KIF13B: variants seen among roughly 807,000 people sequenced by gnomAD.
KIF13B encodes kinesin-like protein KIF13B.
KIF13B carries 127 observed loss-of-function variants against 222.0 expected under a neutral mutation model. The ratio of observed to expected loss-of-function variants is 0.57; its 90% CI spans 0.50 to 0.66. KIF13B has a LOEUF of 0.66. Ranked by LOEUF, KIF13B falls within the 30% of genes least tolerant of loss-of-function variation. The pLI, the probability that KIF13B is intolerant of heterozygous loss-of-function variation, is 0.00. For synonymous variants in KIF13B, 976 were observed against 919.0 expected (o/e 1.06, Z -1.12); for missense variants, 2,173 against 2,379.0 (o/e 0.91, Z 1.80).
intron 1 of KIF13B, among the ~76,000 whole-genome samples, chr8:29,246,155 G>A (rs111348502): frequency 6.6e-6 from 1 of 152,124 alleles, no homozygotes; most frequent in Admixed American, 6.5e-5. Flanking sequence ...CGAGGCGGGT[G>A]GATTACTTGA....
chr8:29,206,610 C>T (rs1462141492), intron 2 of KIF13B, among the ~76,000 whole-genome samples: 1 of 152,188 alleles, frequency 6.6e-6, no homozygotes, highest in African/African-American at 2.4e-5. Context: ...TGTCTCACAA[C>T]CCCAACCTCC....
chr8:29,197,262 G>A (rs963260144), intron 2 of KIF13B, among the ~76,000 whole-genome samples: 24 of 146,304 alleles, frequency 1.6e-4, no homozygotes, highest in South Asian at 1.1e-3. Context: ...GCGTGAACCC[G>A]GGAGGCGGAG....
In KIF13B at chr8:29,148,690, C is replaced by A. The variant is rs200170374; in HGVS notation, c.1700G>T (p.Ser567Ile). The A allele has an allele frequency of 1.5e-4, 236 of 1,612,672 alleles. No homozygotes were observed. Among genetic ancestry groups the A allele is most frequent in the Middle Eastern group, 5.0e-4 (3 of 6,058 alleles). ...DQDPSMKNEN[S>I]SEQLDVDGDS... Reference sequence around the variant, plus strand: ...TCCGTCTACATCCAGCTGCTCAGAACTATTCTCGTTCTTCATGGAGGGATC... The same window carrying A: ...TCCGTCTACATCCAGCTGCTCAGAAATATTCTCGTTCTTCATGGAGGGATC... Residue 567 changes from serine (S) to isoleucine (I), a missense_variant, in exon 16 of 40, where the codon AGT becomes ATT. Physicochemically the swap from Ser to Ile is moderately radical, Grantham distance 142. Coordinates refer to ENST00000524189, the MANE Select transcript of KIF13B (RefSeq NM_015254.4).
At chr8:29,131,078 C>CA (rs968471492) in intron 23 of KIF13B, among the ~76,000 whole-genome samples, 17 of 152,072 alleles carry the variant, frequency 1.1e-4, no homozygotes, top group Admixed American at 6.6e-4. Flanking sequence ...AATAGAAAAG[C>CA]AAAAACCCCA....
intron 2 of KIF13B, among the ~76,000 whole-genome samples, chr8:29,217,015 T>C (rs1156991106): frequency 6.6e-6 from 1 of 152,132 alleles, no homozygotes; most frequent in Non-Finnish European, 1.5e-5. Flanking sequence ...GAAAGAATAC[T>C]TATTCCTCGT....
At chr8:29,227,786 C>CA (rs1024973625) in intron 2 of KIF13B, among the ~76,000 whole-genome samples, 1 of 151,926 alleles carries the variant, frequency 6.6e-6, no homozygotes, top group African/African-American at 2.4e-5. Flanking sequence ...CAAAAATCTA[C>CA]AAAAAACTTG....
Position 29,140,153 on chromosome 8 carries a change from A to C in KIF13B, c.2523T>G (p.Ser841Arg), listed in dbSNP as rs1255385311. 3 of 1,613,464 alleles carry C rather than the reference A, an allele frequency of 1.9e-6. No homozygotes were observed. The highest frequency in any genetic ancestry group is 3.3e-5 in the Admixed American group (2 of 59,928). The change falls in exon 21 of 40, where the codon AGT becomes AGG. Residue 841 changes from serine to arginine, a missense_variant. Transcript: ENST00000524189. ...CTGCGATCCTCTCCCCAACATCACCACTGAGTCGCATCACCTCCACGTGCA... is the reference window on the plus strand; with the variant it reads ...CTGCGATCCTCTCCCCAACATCACCCCTGAGTCGCATCACCTCCACGTGCA... The part of the protein sequence containing the change: ...GRLHVEVMRL[S>R]GDVGERIAGG...
chr8:29,082,970 A>G (rs1207035275), intron 37 of KIF13B, among the ~76,000 whole-genome samples: 1 of 152,188 alleles, frequency 6.6e-6, no homozygotes, highest in East Asian at 1.9e-4. Context: ...ACAAGATCAA[A>G]ATTTAAAAAT....
chr8:29,169,165 CTG>C (rs1188785047), intron 10 of KIF13B, among the ~76,000 whole-genome samples: 3 of 152,220 alleles, frequency 2.0e-5, no homozygotes, highest in African/African-American at 7.2e-5. Context: ...TTGGTACAAT[CTG>C]TGATTTCCCC....
At chr8:29,166,480 C>T (rs1812004071) in intron 11 of KIF13B, among the ~76,000 whole-genome samples, 1 of 152,140 alleles carries the variant, frequency 6.6e-6, no homozygotes, top group Admixed American at 6.5e-5. Context: ...GGGCGTATCA[C>T]CTGAGGTCAG....
intron 12 of KIF13B, among the ~76,000 whole-genome samples, chr8:29,163,943 T>TA (rs951742437): frequency 1.3e-5 from 2 of 152,198 alleles, no homozygotes; most frequent in Admixed American, 6.5e-5. Flanking sequence ...TTATAATTTA[T>TA]AAAAAACACA....
In KIF13B at chr8:29,176,787, C is replaced by A. The variant is rs181634931; in HGVS notation, c.834-608G>T. 2.0e-3 allele frequency among the ~76,000 whole-genome samples: 306 copies of A among 151,770 alleles called. 1 individual carries two copies. Among genetic ancestry groups the A allele is most frequent in the African/African-American group, 6.2e-3 (256 of 41,358 alleles). ...CAGCAATAGGGCCACTGCTGAGAAA[C>A]CCTGACCTGACTGAGGCTGTGCTCT... On this transcript the variant is annotated intron_variant, in intron 9 of 39. Transcript: ENST00000524189.
At chr8:29,167,307 G>T in intron 11 of KIF13B, 66 bp downstream of exon 11, 2 of 1,363,786 alleles carry the variant, frequency 1.5e-6, no homozygotes, top group Non-Finnish European at 2.1e-6. Context: ...CCAGGGGAAG[G>T]AAATTCAAGC....
At chr8:29,257,568 A>G (rs1816531019) in intron 1 of KIF13B, among the ~76,000 whole-genome samples, 1 of 152,202 alleles carries the variant, frequency 6.6e-6, no homozygotes, top group Admixed American at 6.5e-5. Context: ...ACAACATTGT[A>G]TTTTATATTA....
chr8:29,083,406 G>A (rs749666964), intron 37 of KIF13B, among the ~76,000 whole-genome samples: 8 of 152,086 alleles, frequency 5.3e-5, no homozygotes, highest in Non-Finnish European at 1.0e-4. Flanking sequence ...GGCAACACTC[G>A]GTCTAGAGAA....
chr8:29,096,791 A>C (rs1162002170), intron 36 of KIF13B, among the ~76,000 whole-genome samples: 1 of 152,130 alleles, frequency 6.6e-6, no homozygotes, highest in African/African-American at 2.4e-5. Flanking sequence ...GATGCCAAGT[A>C]GGGTTTCTGA....
intron 33 of KIF13B, 95 bp from the exon 34 acceptor site, chr8:29,109,606 C>G: frequency 2.1e-6 from 2 of 967,542 alleles, no homozygotes; most frequent in Non-Finnish European, 3.3e-6. Context: ...CCCATCTATA[C>G]AGACATTCCT....
At chr8:29,146,272 C>T (rs537012406) in intron 18 of KIF13B, 106 bp downstream of exon 18, 1 of 1,141,388 alleles carries the variant, frequency 8.8e-7, no homozygotes, top group African/African-American at 1.5e-5. Context: ...AGGATCTGGA[C>T]TTGGGGCAGG....
intron 4 of KIF13B, among the ~76,000 whole-genome samples, chr8:29,188,979 C>T (rs1813062055): frequency 1.3e-5 from 2 of 152,060 alleles, no homozygotes; most frequent in South Asian, 4.1e-4. Flanking sequence ...TCGGTGGGTA[C>T]CAGAGTTTAG....
Sources: allele counts gnomAD v4.1 joint callset (sites outside exome capture counted in the v4.1 genomes callset), GRCh38; gene constraint gnomAD v4.1.1; transcripts MANE v1.5; gene names NCBI Gene and HGNC (gene_info 2026-07-23, HGNC 2026-07-21).